The following CYP7B1 variants were observed in gnomAD, a reference collection of about 807,000 sequenced individuals.
CYP7B1 encodes the protein cytochrome P450 family 7 subfamily B member 1.
Under a neutral mutation model 42.7 loss-of-function variants are expected in CYP7B1, and 29 were observed. The ratio of observed to expected loss-of-function variants is 0.68; its 90% confidence interval spans 0.51 to 0.93. The LOEUF (loss-of-function observed/expected upper bound fraction) is 0.93. CYP7B1 is among the 40% of genes least tolerant of loss of function. The pLI, the probability that CYP7B1 is intolerant of heterozygous loss-of-function variation, is 0.00. For missense variants in CYP7B1, 655 were observed against 600.5 expected (o/e 1.09, Z -0.95); for synonymous variants, 235 against 218.2 (o/e 1.08, Z -0.68).
At chr8:64,664,862 G>A (rs1806252178) in intron 1 of CYP7B1, among the ~76,000 whole-genome samples, 1 of 152,116 alleles carries the variant, frequency 6.6e-6, no homozygotes, top group Admixed American at 6.5e-5. Flanking sequence ...TTGAAATACT[G>A]ACAGAACAAT....
At chr8:64,682,057 A>G (rs1806546932) in intron 1 of CYP7B1, among the ~76,000 whole-genome samples, 1 of 152,180 alleles carries the variant, frequency 6.6e-6, no homozygotes, top group Non-Finnish European at 1.5e-5. Flanking sequence ...AAAGCTTTCC[A>G]TGGAAGGTAA....
chr8:64,716,632 G>A (rs7828250), intron 1 of CYP7B1, among the ~76,000 whole-genome samples: 6,181 of 152,142 alleles, frequency 0.041, 415 homozygotes, highest in African/African-American at 0.14. Context: ...GCTTGAACCC[G>A]GGAGGTGGAG....
chr8:64,628,905 C>T (rs537081114), intron 1 of CYP7B1, among the ~76,000 whole-genome samples: 2 of 152,140 alleles, frequency 1.3e-5, no homozygotes, highest in South Asian at 2.1e-4. Context: ...GACTAGTGAC[C>T]TATTGCACAT....
chr8:64,737,306 A>T (rs1226411662), intron 1 of CYP7B1, among the ~76,000 whole-genome samples: 2 of 152,206 alleles, frequency 1.3e-5, no homozygotes, highest in Non-Finnish European at 2.9e-5. Context: ...GAAAAAATGT[A>T]CATAATTCTT....
intron 2 of CYP7B1, among the ~76,000 whole-genome samples, chr8:64,621,112 T>A (rs1305353139): frequency 6.6e-6 from 1 of 152,204 alleles, no homozygotes; most frequent in Non-Finnish European, 1.5e-5. Flanking sequence ...TTTGGTACCA[T>A]AAAGCCCAAG....
intron 1 of CYP7B1, among the ~76,000 whole-genome samples, chr8:64,771,047 C>CTTTTTTTTTTTTTTTTTTTTTTTTT (rs757503820): frequency 4.7e-5 from 2 of 42,504 alleles, no homozygotes; most frequent in African/African-American, 1.7e-4. Context: ...ATATCAGCAT[C>CTTTTTTTTTTTTTTTTTTTTTTTTT]TTTTTTTTTT....
chr8:64,775,308 G>C (rs1303556663), intron 1 of CYP7B1, among the ~76,000 whole-genome samples: 1 of 152,102 alleles, frequency 6.6e-6, no homozygotes, highest in Non-Finnish European at 1.5e-5. Flanking sequence ...CAGTCTAAGA[G>C]GAATTCCAAA....
intron 4 of CYP7B1, among the ~76,000 whole-genome samples, chr8:64,606,208 T>C (rs1343307738): frequency 6.6e-6 from 1 of 152,092 alleles, no homozygotes; most frequent in Non-Finnish European, 1.5e-5. Flanking sequence ...GTCAAATCGG[T>C]TTGTTGGTGA....
rs757503820 is a variant in CYP7B1 at position 64,771,047 on chromosome 8, C to CTTTTTTTTTTTTT, written c.122+27406_122+27418dup. Reference sequence around the variant, plus strand: ...AATCTCAAGAGTGGGATATCAGCATCTTTTTTTTTTTTTTTTTTTTTTTTT... The same window carrying CTTTTTTTTTTTTT: ...AATCTCAAGAGTGGGATATCAGCATCTTTTTTTTTTTTTTTTTTTTTTTTTTTTTTTTTTTTTT... On this transcript the variant is annotated intron_variant, in intron 1 of 5. Transcript: ENST00000310193. Among the ~76,000 whole-genome samples the CTTTTTTTTTTTTT allele has an allele frequency of 1.6e-4, 7 of 42,504 alleles. 1 individual carries two copies. Among genetic ancestry groups the CTTTTTTTTTTTTT allele is most frequent in the African/African-American group, 2.5e-4 (3 of 12,022 alleles). The allele number at this position is 42,504 out of a possible 152,430, so 27.9% of individuals were successfully genotyped here. A position where few individuals can be genotyped will look rare whatever the true frequency, so the allele number is the denominator to read the frequency against.
rs1448124672 is a variant in CYP7B1, at chr8:64,686,414, A to G, written c.123-61875T>C. On this transcript the variant is annotated intron_variant, in intron 1 of 5. Transcript: ENST00000310193. ...CGTCCGGGAGGGAGGTGGGGGGGTC[A>G]GCCCCCCGCCTGGCCAGCCGCCCCG... 8.9e-3 allele frequency among the ~76,000 whole-genome samples: 243 copies of G among 27,304 alleles called. 1 individual carries two copies. The highest frequency in any genetic ancestry group is 0.049 in the African/African-American group (210 of 4,302). The allele number at this position is 27,304 out of a possible 152,430, so 17.9% of individuals were successfully genotyped here.
intron 5 of CYP7B1, among the ~76,000 whole-genome samples, chr8:64,603,704 A>G (rs544043652): frequency 6.6e-6 from 1 of 152,286 alleles, no homozygotes; most frequent in African/African-American, 2.4e-5. Flanking sequence ...AAACACACAG[A>G]AACTATATGT....
At position 64,750,674 on chromosome 8, in the gene CYP7B1, A is replaced by C. The variant is rs182712530; in HGVS notation, c.122+47792T>G. Among the ~76,000 whole-genome samples, 325 of 152,282 alleles carry C rather than the reference A, an allele frequency of 2.1e-3. 1 individual carries two copies. The highest frequency in any genetic ancestry group is 3.9e-3 in the Admixed American group (60 of 15,298). On this transcript the variant is annotated intron_variant, in intron 1 of 5. Transcript: ENST00000310193. ...ACCAAGCTTTTCTGGAGTGTTATCA[A>C]GGGGAAATGTGAAGAGTCCCTGGGA... is the stretch of plus-strand genomic sequence containing the variant.
At chr8:64,697,977 C>T (rs908694262) in intron 1 of CYP7B1, among the ~76,000 whole-genome samples, 5 of 152,140 alleles carry the variant, frequency 3.3e-5, no homozygotes, top group Non-Finnish European at 7.4e-5. Context: ...TTACTGATTA[C>T]GACAATACTT....
intron 1 of CYP7B1, among the ~76,000 whole-genome samples, chr8:64,677,754 T>G (rs1046133751): frequency 7.2e-6 from 1 of 138,136 alleles, no homozygotes; most frequent in East Asian, 2.2e-4. Flanking sequence ...TATCTTAAGA[T>G]CTATGTTTTA....
At chr8:64,777,726 T>C (rs1804350113) in intron 1 of CYP7B1, among the ~76,000 whole-genome samples, 1 of 151,950 alleles carries the variant, frequency 6.6e-6, no homozygotes, top group African/African-American at 2.4e-5. Context: ...AAAGACTCCA[T>C]CCACCTGCAG....
At chr8:64,784,072 C>T (rs983487229) in intron 1 of CYP7B1, among the ~76,000 whole-genome samples, 1 of 151,932 alleles carries the variant, frequency 6.6e-6, no homozygotes, top group South Asian at 2.1e-4. Flanking sequence ...ATCAAGAAAA[C>T]CAGTCTTTCA....
At chr8:64,756,097 T>C (rs1054469820) in intron 1 of CYP7B1, among the ~76,000 whole-genome samples, 2 of 152,206 alleles carry the variant, frequency 1.3e-5, no homozygotes, top group African/African-American at 4.8e-5. Flanking sequence ...GAAAGAAGTG[T>C]CTAGCTTCCA....
chr8:64,651,801 C>T (rs1806043297), intron 1 of CYP7B1, among the ~76,000 whole-genome samples: 1 of 152,198 alleles, frequency 6.6e-6, no homozygotes, highest in Admixed American at 6.5e-5. Context: ...TCTTGGACTT[C>T]CCAGCCTCCA....
In CYP7B1 at chr8:64,615,890, T is replaced by A. The variant is rs777884249; in HGVS notation, c.651A>T (p.Leu217Phe). The A allele has an allele frequency of 1.9e-6, 3 of 1,613,672 alleles. No individual in the cohort carries two copies. Among genetic ancestry groups the A allele is most frequent in the East Asian group, 2.2e-5 (1 of 44,856 alleles). The change falls in exon 3 of 6, where the codon TTA (leucine) becomes TTT (phenylalanine). Residue 217 changes from leucine (L) to phenylalanine (F), a missense_variant. Leu to Phe is a conservative substitution (Grantham distance 22). Coordinates refer to ENST00000310193, the MANE Select transcript of CYP7B1 (RefSeq NM_004820.5). ...KFISELRDDF[L>F]KFDDKFAYLV... Reference sequence around the variant, plus strand: ...AATATGCAAACTTGTCATCAAATTTTAAAAAATCATCTCTTAGCTCACTAA... The same window carrying A: ...AATATGCAAACTTGTCATCAAATTTAAAAAAATCATCTCTTAGCTCACTAA...
Sources: gnomAD v4.1 joint callset for allele counts (sites outside exome capture counted in the v4.1 genomes callset) on GRCh38, gnomAD v4.1.1 for gene constraint, MANE v1.5 for transcripts, NCBI Gene and HGNC (gene_info 2026-07-23, HGNC 2026-07-21) for gene names.